Variants in NAALADL2 observed in about 807,000 individuals in gnomAD.
NAALADL2 encodes inactive N-acetylated-alpha-linked acidic dipeptidase-like protein 2.
NAALADL2 carries 76 observed loss-of-function variants against 87.2 expected under a neutral mutation model. That is an observed-to-expected ratio of 0.87 (90% confidence interval 0.72 to 1.05). The LOEUF (loss-of-function observed/expected upper bound fraction) is 1.05. Ranked by LOEUF, NAALADL2 falls within the 50% of genes least tolerant of loss-of-function variation. The pLI is 0.00. For missense variants in NAALADL2, 1,089 were observed against 945.8 expected (o/e 1.15, Z -1.99); for synonymous variants, 354 against 331.0 (o/e 1.07, Z -0.75).
intron 3 of NAALADL2, among the ~76,000 whole-genome samples, chr3:174,824,533 A>G (rs1029225653): frequency 2.0e-5 from 3 of 152,266 alleles, no homozygotes; most frequent in Admixed American, 6.5e-5. Flanking sequence ...AGTTATACAC[A>G]TCTACCTATA....
intron 3 of NAALADL2, among the ~76,000 whole-genome samples, chr3:174,787,952 A>G (rs1717008593): frequency 6.6e-6 from 1 of 151,998 alleles, no homozygotes; most frequent in Non-Finnish European, 1.5e-5. Context: ...ACAAAACACC[A>G]AGTTAGCAGT....
At chr3:174,721,151 A>T (rs1294598574) in intron 2 of NAALADL2, among the ~76,000 whole-genome samples, 1 of 152,186 alleles carries the variant, frequency 6.6e-6, no homozygotes, top group Non-Finnish European at 1.5e-5. Context: ...TGAATTCAAT[A>T]TTTATGTGAA....
chr3:174,694,697 CTT>C (rs1728868359), intron 2 of NAALADL2, among the ~76,000 whole-genome samples: 1 of 151,924 alleles, frequency 6.6e-6, no homozygotes, highest in South Asian at 2.1e-4. Flanking sequence ...TGAAGAGACT[CTT>C]TATACATGAG....
chr3:174,594,420 C>A (rs1277607479), intron 2 of NAALADL2, among the ~76,000 whole-genome samples: 2 of 152,114 alleles, frequency 1.3e-5, no homozygotes, highest in African/African-American at 4.8e-5. Flanking sequence ...GGCCTGATAC[C>A]TCTAATCAAA....
chr3:174,487,362 A>G (rs1717918550), intron 1 of NAALADL2, among the ~76,000 whole-genome samples: 1 of 152,048 alleles, frequency 6.6e-6, no homozygotes, highest in African/African-American at 2.4e-5. Context: ...AATAATTATT[A>G]TTAATGCCCA....
At chr3:175,241,413 G>A (rs893418901) in intron 3 of NAALADL2, among the ~76,000 whole-genome samples, 11 of 151,974 alleles carry the variant, frequency 7.2e-5, no homozygotes, top group Non-Finnish European at 1.2e-4. Flanking sequence ...TAGGGATGGG[G>A]TTTCAACATG....
At chr3:174,739,648 T>C (rs1733572477) in intron 3 of NAALADL2, among the ~76,000 whole-genome samples, 1 of 152,094 alleles carries the variant, frequency 6.6e-6, no homozygotes. Context: ...ACTGACTTAA[T>C]TATATTCCCC....
At position 174,555,339 on chromosome 3, in the gene NAALADL2, G is replaced by T. The variant is rs534491669; in HGVS notation, c.-115+4702G>T. On this transcript the variant is annotated intron_variant, in intron 2 of 3. Transcript: ENST00000434257. ...TTTTTGAGAGAGTCTCACTCTTGTC[G>T]CCCAGCCTGGAGTGCAATGGCGCGA... 2.0e-5 allele frequency among the ~76,000 whole-genome samples: 3 copies of T among 152,136 alleles called. No individual in the cohort carries two copies. The South Asian group carries it at 6.2e-4, about 32-fold the overall frequency.
At chr3:175,010,000 A>G (rs996653568) in intron 1 of NAALADL2, among the ~76,000 whole-genome samples, 2 of 152,138 alleles carry the variant, frequency 1.3e-5, no homozygotes, top group Admixed American at 1.3e-4. Flanking sequence ...GCTTAATCAC[A>G]CAAGGATGAG....
In NAALADL2 at chr3:175,097,206, G is replaced by A; in HGVS notation, c.460G>A (p.Ala154Thr). Residue 154 changes from alanine to threonine, a missense_variant, in exon 2 of 14, where the codon GCT (alanine) becomes ACT (threonine). Physicochemically the swap from Ala to Thr is moderately conservative, Grantham distance 58. Transcript: ENST00000454872. ...TGTACATACAAATTGCCCTTCAGAT[G>A]CTCCATCTTCAGGAACAGTTGATCC... Reference protein sequence around the residue: ...YYVHTNCPSDAPSSGTVDPQL... With the variant: ...YYVHTNCPSDTPSSGTVDPQL... 2 of 1,613,238 alleles carry A rather than the reference G, an allele frequency of 1.2e-6. No individual in the cohort carries two copies. The highest frequency in any genetic ancestry group is 1.7e-6 in the Non-Finnish European group (2 of 1,179,272).
At chr3:175,191,353 G>A (rs750895587) in intron 2 of NAALADL2, among the ~76,000 whole-genome samples, 4 of 152,212 alleles carry the variant, frequency 2.6e-5, no homozygotes, top group Non-Finnish European at 4.4e-5. Context: ...ATTGGTAGAA[G>A]TGTTGAGCCT....
At chr3:175,077,702 G>A (rs1055897057) in intron 1 of NAALADL2, among the ~76,000 whole-genome samples, 2 of 151,972 alleles carry the variant, frequency 1.3e-5, no homozygotes, top group South Asian at 4.1e-4. Flanking sequence ...ACTAATAGAG[G>A]CAGCTGCTCT....
rs1041722194 is a variant in NAALADL2, at chr3:175,788,088, G to T, written c.2190-14917G>T. 6.0e-3 allele frequency among the ~76,000 whole-genome samples: 626 copies of T among 104,128 alleles called. 4 individuals carry two copies. The highest frequency in any genetic ancestry group is 0.02 in the African/African-American group (555 of 27,196). The allele number at this position is 104,128 out of a possible 152,430, so 68.3% of individuals were successfully genotyped here. A position where few individuals can be genotyped will look rare whatever the true frequency, so the allele number is the denominator to read the frequency against. On this transcript the variant is annotated intron_variant, in intron 13 of 13. Transcript: ENST00000454872. ...TACACAGGTGTACAGTTTTTTACCT[G>T]TTTTTTTTTTTTTTTTTTTTTTGAG...
chr3:174,446,118 T>C (rs2108263063), intron 1 of NAALADL2, among the ~76,000 whole-genome samples: 1 of 152,286 alleles, frequency 6.6e-6, no homozygotes, highest in East Asian at 1.9e-4. Context: ...AGCATGAATT[T>C]TCCCTAACTG....
intron 1 of NAALADL2, among the ~76,000 whole-genome samples, chr3:175,025,812 ATTTG>A (rs1035896631): frequency 1.2e-4 from 18 of 151,908 alleles, no homozygotes; most frequent in East Asian, 1.9e-4. Flanking sequence ...AGTTTTGTTT[ATTTG>A]TTTGTTTGTT....
chr3:175,492,629 C>T (rs1728264967), intron 9 of NAALADL2, among the ~76,000 whole-genome samples: 1 of 152,094 alleles, frequency 6.6e-6, no homozygotes, highest in South Asian at 2.1e-4. Context: ...AGATCGTTCA[C>T]ATTCATTTAA....
chr3:174,570,604 G>A lies in NAALADL2; in HGVS notation c.-115+19967G>A, dbSNP rs530910098. Among the ~76,000 whole-genome samples the A allele has an allele frequency of 7.2e-5, 11 of 152,198 alleles. No individual in the cohort carries two copies. In the South Asian group the frequency reaches 2.3e-3, roughly 32 times the overall value. The stretch of plus-strand genomic sequence containing the variant: ...AGTATCTTTTATTTAAATGTACACA[G>A]GGTTCTTTCAGGGCCTTAAAACCTT... On this transcript the variant is annotated intron_variant, in intron 2 of 3. Coordinates refer to the NAALADL2 transcript ENST00000434257.
At chr3:174,509,568 A>ATTTT (rs145219498) in intron 1 of NAALADL2, among the ~76,000 whole-genome samples, 29 of 80,114 alleles carry the variant, frequency 3.6e-4, no homozygotes, top group South Asian at 6.4e-4. Flanking sequence ...CACCCAGCTA[A>ATTTT]TTTTTTTTTT....
intron 11 of NAALADL2, chr3:175,655,370 G>A (rs1014530748): frequency 1.4e-5 from 3 of 222,102 alleles, no homozygotes; most frequent in African/African-American, 7.0e-5. Context: ...TCATAGGCAA[G>A]TTTTTTCAAA....
Sources: gnomAD v4.1 joint callset for allele counts (sites outside exome capture counted in the v4.1 genomes callset) on GRCh38, gnomAD v4.1.1 for gene constraint, MANE v1.5 for transcripts, NCBI Gene and HGNC (gene_info 2026-07-23, HGNC 2026-07-21) for gene names.